Variants in GFOD1 observed in about 807,000 individuals in gnomAD.
The protein encoded by GFOD1 is glucose-fructose oxidoreductase domain-containing protein 1.
Under a neutral mutation model 25.4 loss-of-function variants are expected in GFOD1, and 9 were observed. That is an observed-to-expected ratio of 0.35 (90% confidence interval 0.21 to 0.62). The LOEUF (loss-of-function observed/expected upper bound fraction) is 0.62, where lower values mean the gene tolerates loss of function less well. Among genes scored for constraint, GFOD1 ranks in the 20% least tolerant of loss-of-function variants. GFOD1 has a pLI of 0.72. For synonymous variants in GFOD1, 253 were observed against 245.6 expected (o/e 1.03, Z -0.28); for missense variants, 403 against 556.9 (o/e 0.72, Z 2.78).
chr6:13,387,724 C>A (rs921254434), intron 1 of GFOD1, among the ~76,000 whole-genome samples: 12 of 152,182 alleles, frequency 7.9e-5, no homozygotes, highest in Non-Finnish European at 1.2e-4. Flanking sequence ...AGGATGCCCT[C>A]TCTCACCACT....
At chr6:13,428,638 T>G (rs1370841871) in intron 1 of GFOD1, among the ~76,000 whole-genome samples, 1 of 152,160 alleles carries the variant, frequency 6.6e-6, no homozygotes, top group Non-Finnish European at 1.5e-5. Flanking sequence ...CAACAGTTGC[T>G]ATCTCCAGCT....
chr6:13,424,021 G>C (rs1049867284), intron 1 of GFOD1, among the ~76,000 whole-genome samples: 9 of 152,046 alleles, frequency 5.9e-5, no homozygotes, highest in Non-Finnish European at 4.4e-5. Context: ...ATCATGCCTG[G>C]CTAATTTTGT....
At chr6:13,420,084 C>A (rs1474436201) in intron 1 of GFOD1, among the ~76,000 whole-genome samples, 1 of 152,176 alleles carries the variant, frequency 6.6e-6, no homozygotes, top group African/African-American at 2.4e-5. Flanking sequence ...GAGACAATGG[C>A]CAGCACAGAG....
At chr6:13,405,430 C>A (rs2127564428) in intron 1 of GFOD1, among the ~76,000 whole-genome samples, 1 of 152,292 alleles carries the variant, frequency 6.6e-6, no homozygotes, top group Non-Finnish European at 1.5e-5. Flanking sequence ...ATTTCTCTTT[C>A]AAACGAAGTA....
At chr6:13,404,853 A>G (rs1785916824) in intron 1 of GFOD1, among the ~76,000 whole-genome samples, 1 of 152,234 alleles carries the variant, frequency 6.6e-6, no homozygotes, top group Non-Finnish European at 1.5e-5. Context: ...AACATGCTAG[A>G]GTCCTCTGTG....
At chr6:13,485,434 A>G (rs1019657699) in intron 1 of GFOD1, among the ~76,000 whole-genome samples, 1 of 152,134 alleles carries the variant, frequency 6.6e-6, no homozygotes, top group Non-Finnish European at 1.5e-5. Context: ...CTGTTCTACT[A>G]TTCGCTTCAT....
chr6:13,469,907 C>T (rs1396688260), intron 1 of GFOD1: 1 of 1,296,810 alleles, frequency 7.7e-7, no homozygotes, highest in Admixed American at 2.3e-5. Flanking sequence ...GGTAAGTACT[C>T]CATAGAATGC....
chr6:13,391,359 G>A lies in GFOD1; in HGVS notation c.254-25697C>T, dbSNP rs551024617. 1.1e-4 allele frequency among the ~76,000 whole-genome samples: 16 copies of A among 152,024 alleles called. No homozygotes were observed. The South Asian group carries it at 1.5e-3, about 14-fold the overall frequency. ...TTAAAAATATAAAAATTAGCTGGGC[G>A]CAGTGGTGGGCGCCTGTAATCCCAG... On this transcript the variant is annotated intron_variant, in intron 1 of 1. Transcript: ENST00000379287.
intron 1 of GFOD1, among the ~76,000 whole-genome samples, chr6:13,444,624 C>T (rs1220794899): frequency 6.6e-6 from 1 of 151,716 alleles, no homozygotes; most frequent in Non-Finnish European, 1.5e-5. Flanking sequence ...GATTGAATTT[C>T]AATTATTTAA....
Position 13,486,850 on chromosome 6 carries a change from G to C in GFOD1, c.41C>G (p.Ala14Gly). The C allele has an allele frequency of 6.2e-7, 1 of 1,612,984 alleles. No individual in the cohort carries two copies. The highest frequency in any genetic ancestry group is 8.5e-7 in the Non-Finnish European group (1 of 1,180,002). Residue 14 changes from alanine (A) to glycine (G), a missense_variant, in exon 1 of 2, where the codon GCC becomes GGC. Transcript: ENST00000379287. The part of the protein sequence containing the change: ...GVGVFGTSLT[A>G]RVIIPLLKDE... ...TTTCAGCAGCGGGATGATGACACGGGCCGTGAGGCTGGTGCCGAACACGCC... is the reference window on the plus strand; with the variant it reads ...TTTCAGCAGCGGGATGATGACACGGCCCGTGAGGCTGGTGCCGAACACGCC...
chr6:13,474,084 T>C (rs1211040261), intron 1 of GFOD1, among the ~76,000 whole-genome samples: 2 of 152,206 alleles, frequency 1.3e-5, no homozygotes, highest in African/African-American at 4.8e-5. Flanking sequence ...GGGATCCTGT[T>C]AACACATTTT....
At chr6:13,483,727 T>A (rs1758806296) in intron 1 of GFOD1, among the ~76,000 whole-genome samples, 1 of 152,104 alleles carries the variant, frequency 6.6e-6, no homozygotes, top group South Asian at 2.1e-4. Flanking sequence ...TGGGCTGCCA[T>A]GATCTATGGC....
chr6:13,394,414 G>C (rs868549911), intron 1 of GFOD1, among the ~76,000 whole-genome samples: 18 of 151,808 alleles, frequency 1.2e-4, no homozygotes, highest in Admixed American at 2.0e-4. Flanking sequence ...GGTGTCTGGC[G>C]GGGGGAAGGA....
intron 1 of GFOD1, among the ~76,000 whole-genome samples, chr6:13,438,835 G>A (rs1347488752): frequency 1.3e-5 from 2 of 152,180 alleles, no homozygotes; most frequent in Non-Finnish European, 2.9e-5. Flanking sequence ...CTGAATAAGT[G>A]AATCTGTACT....
rs73366992 is a variant in GFOD1 at position 13,451,742 on chromosome 6, C to T, written c.253+34896G>A. ...AGGACCAGGGTTGGGAATGCTCACC[C>T]CAAAGACACGCTGGACACCAGGTTA... On this transcript the variant is annotated intron_variant, in intron 1 of 1. Coordinates refer to ENST00000379287, the MANE Select transcript of GFOD1 (RefSeq NM_018988.4). Among the ~76,000 whole-genome samples the T allele has an allele frequency of 4.3e-3, 655 of 152,254 alleles. 2 individuals are homozygous for T. Among genetic ancestry groups the T allele is most frequent in the African/African-American group, 0.015 (627 of 41,544 alleles).
At chr6:13,422,604 G>A (rs929733537) in intron 1 of GFOD1, among the ~76,000 whole-genome samples, 2 of 152,114 alleles carry the variant, frequency 1.3e-5, no homozygotes, top group Non-Finnish European at 2.9e-5. Context: ...CCAATCCTTT[G>A]CAAGTAAGTC....
rs2127552862 is a variant in GFOD1 at position 13,358,137 on chromosome 6, T to C, written c.*6606A>G. 1 of 152,290 alleles carries C rather than the reference T, an allele frequency of 6.6e-6. No individual in the cohort carries two copies. The highest frequency in any genetic ancestry group is 2.1e-4 in the South Asian group (1 of 4,830). The allele number at this position is 152,290 out of a possible 1,614,324, so 9.4% of individuals were successfully genotyped here. A position where few individuals can be genotyped will look rare whatever the true frequency, so the allele number is the denominator to read the frequency against. ...TCTTTTTTTTTCTTCTTTTTTTCCT[T>C]TAATAATAAAAAAGAAAACCAAAAC... On this transcript the variant is annotated 3_prime_UTR_variant, in exon 2 of 2. Transcript: ENST00000379287.
intron 1 of GFOD1, among the ~76,000 whole-genome samples, chr6:13,418,053 TC>T (rs1256203149): frequency 2.0e-5 from 3 of 152,194 alleles, no homozygotes; most frequent in Non-Finnish European, 4.4e-5. Flanking sequence ...GGGTCTGTCA[TC>T]CTCCTGCACC....
Position 13,430,979 on chromosome 6 carries a change from T to C in GFOD1, c.253+55659A>G, listed in dbSNP as rs1442300308. 6.6e-6 allele frequency among the ~76,000 whole-genome samples: 1 copy of C among 152,272 alleles called. No homozygotes were observed. Among genetic ancestry groups the C allele is most frequent in the Non-Finnish European group, 1.5e-5 (1 of 68,050 alleles). ...CATTTGATATTCACTGCCATATTTA[T>C]ACATCGGGAAACCGAGGCATAAAGA... On this transcript the variant is annotated intron_variant, in intron 1 of 1. Transcript: ENST00000379287. The surrounding 1 kb of genome is among the most constrained non-coding windows in gnomAD (Gnocchi z 4.1).
Sources: gnomAD v4.1 joint callset for allele counts (sites outside exome capture counted in the v4.1 genomes callset) on GRCh38, gnomAD v4.1.1 for gene constraint, Gnocchi (gnomAD v3.1) non-coding constraint, MANE v1.5 for transcripts, NCBI Gene and HGNC (gene_info 2026-07-23, HGNC 2026-07-21) for gene names.